The following URI1 variants were observed in gnomAD, a reference collection of about 807,000 sequenced individuals.
URI1 encodes URI1 prefoldin like chaperone.
A neutral mutation model predicts 60.2 loss-of-function variants in URI1; 39 were observed. That is an observed-to-expected ratio of 0.65 (90% CI 0.50 to 0.85). The LOEUF (loss-of-function observed/expected upper bound fraction) is 0.85. Among genes scored for constraint, URI1 ranks in the 40% least tolerant of loss-of-function variants. URI1 has a pLI of 0.00. For synonymous variants in URI1, 251 were observed against 236.8 expected (o/e 1.06, Z -0.55); for missense variants, 691 against 665.9 (o/e 1.04, Z -0.42).
chr19:30,006,832 A>T (rs772012104), intron 6 of URI1, among the ~76,000 whole-genome samples: 1 of 152,132 alleles, frequency 6.6e-6, no homozygotes. Flanking sequence ...AAAAGCAGAT[A>T]CCTCTGAGTT....
At chr19:29,954,210 G>A (rs2055214419) in intron 1 of URI1, among the ~76,000 whole-genome samples, 1 of 152,180 alleles carries the variant, frequency 6.6e-6, no homozygotes, top group Non-Finnish European at 1.5e-5. Flanking sequence ...CAAACCTGAA[G>A]TAAAGTTCAA....
Position 30,011,136 on chromosome 19 carries a change from G to T in URI1, c.1078G>T (p.Glu360Ter). The T allele has an allele frequency of 6.2e-7, 1 of 1,612,926 alleles. No homozygotes were observed. The highest frequency in any genetic ancestry group is 8.5e-7 in the Non-Finnish European group (1 of 1,179,622). The part of the protein sequence containing the change: ...TGKNTTLKFS[E>*]KKEEAKRKRK... ...AAAGAATACCACTTTAAAATTCAGT[G>T]AAAAGAAAGAAGAAGCCAAACGTAA... The change falls in exon 9 of 11, where the codon GAA (glutamate) becomes TAA (stop). Residue 360 changes from glutamate (E) to a stop codon, truncating the protein, a stop_gained. Coordinates refer to ENST00000392271, the MANE Select transcript of URI1 (RefSeq NM_003796.3). LOFTEE classifies it high-confidence loss of function.
chr19:29,972,653 A>G (rs990041712), intron 2 of URI1, among the ~76,000 whole-genome samples: 20 of 152,260 alleles, frequency 1.3e-4, no homozygotes, highest in African/African-American at 4.8e-4. Flanking sequence ...CACAGCCCCT[A>G]CTGCTATGTT....
chr19:29,957,020 C>A, intron 1 of URI1: 1 of 645,192 alleles, frequency 1.5e-6, no homozygotes, highest in Non-Finnish European at 2.7e-6. Context: ...AAAAAGTGGC[C>A]CAGAGTAGTC....
At chr19:30,005,271 T>C in intron 4 of URI1, 90 bp from the exon 5 acceptor site, 1 of 695,246 alleles carries the variant, frequency 1.4e-6, no homozygotes, top group South Asian at 2.2e-5. Context: ...TGTTAAATCA[T>C]ACTTGTAGTG....
At chr19:29,973,203 A>G (rs2055480199) in intron 2 of URI1, among the ~76,000 whole-genome samples, 1 of 152,136 alleles carries the variant, frequency 6.6e-6, no homozygotes, top group Admixed American at 6.5e-5. Context: ...AGTTTCTACC[A>G]TATGCCAGTA....
At chr19:29,933,826 A>T (rs1448059434) in intron 1 of URI1, among the ~76,000 whole-genome samples, 2 of 586 alleles carry the variant, frequency 3.4e-3, no homozygotes, top group African/African-American at 0.011. Flanking sequence ...GATCTCTTTA[A>T]AAAAAAAAAA....
intron 2 of URI1, among the ~76,000 whole-genome samples, chr19:29,983,518 C>T (rs1167062229): frequency 1.3e-5 from 2 of 152,104 alleles, no homozygotes; most frequent in African/African-American, 4.8e-5. Context: ...ACCTACATTG[C>T]AGTTTATCCT....
At chr19:29,988,522 T>C (rs984874669) in intron 4 of URI1, among the ~76,000 whole-genome samples, 4 of 152,230 alleles carry the variant, frequency 2.6e-5, no homozygotes, top group African/African-American at 7.2e-5. Flanking sequence ...TGCTGAAGGA[T>C]TGACGACTTC....
Position 30,015,413 on chromosome 19 carries a change from T to C in URI1, c.*344T>C. 6.9e-7 allele frequency: 1 copy of C among 1,452,724 alleles called. No individual in the cohort carries two copies. 90.0% of individuals were successfully genotyped at this position (1,452,724 alleles called of 1,614,324 possible). Reference sequence around the variant, plus strand: ...AATACAGGCAGTTTTGTGCCAGCTGTGATATTGTGCATACCATATGGACCA... The same window carrying C: ...AATACAGGCAGTTTTGTGCCAGCTGCGATATTGTGCATACCATATGGACCA... On this transcript the variant is annotated 3_prime_UTR_variant, in exon 11 of 11. Coordinates refer to ENST00000392271, the MANE Select transcript of URI1 (RefSeq NM_003796.3).
At position 29,942,566 on chromosome 19, in the gene URI1, G is replaced by C; in HGVS notation, c.19G>C (p.Glu7Gln). 7.0e-7 allele frequency: 1 copy of C among 1,423,270 alleles called. No individual in the cohort carries two copies. The highest frequency in any genetic ancestry group is 9.2e-7 in the Non-Finnish European group (1 of 1,089,522). 88.2% of individuals were successfully genotyped at this position (1,423,270 alleles called of 1,614,324 possible). Residue 7 changes from glutamate to glutamine, a missense_variant, in exon 1 of 11, where the codon GAG becomes CAG. Physicochemically the swap from Glu to Gln is conservative, Grantham distance 29 (BLOSUM62 2). Transcript: ENST00000392271. Reference protein sequence around the residue: MEAPTVETPPDPSPPSA... With the variant: MEAPTVQTPPDPSPPSA... ...GCCCGTCATGGAGGCGCCCACCGTG[G>C]AGACGCCCCCCGACCCCTCGCCCCC...
rs898075223 is a variant in URI1, at chr19:30,012,664, T to C, written c.1425+133T>C. On this transcript the variant is annotated intron_variant, in intron 10 of 10. Coordinates refer to ENST00000392271, the MANE Select transcript of URI1 (RefSeq NM_003796.3). ...TTCTTGGTACTAATTAATAAAAAAT[T>C]AATAGTCACAAACAGTACAAATATT... 7 of 1,123,016 alleles carry C rather than the reference T, an allele frequency of 6.2e-6. No homozygotes were observed. In the East Asian group the frequency reaches 1.1e-4, roughly 17 times the overall value. The allele number at this position is 1,123,016 out of a possible 1,614,324, so 69.6% of individuals were successfully genotyped here. A position where few individuals can be genotyped will look rare whatever the true frequency, so the allele number is the denominator to read the frequency against.
intron 6 of URI1, among the ~76,000 whole-genome samples, chr19:30,006,351 TAAAC>T (rs761295521): frequency 4.6e-5 from 7 of 152,148 alleles, no homozygotes; most frequent in South Asian, 2.1e-4. Context: ...TACAGTGTCT[TAAAC>T]AAATGTACTG....
At chr19:29,940,745 C>A (rs2145215488), upstream of URI1, among the ~76,000 whole-genome samples, 1 of 152,318 alleles carries the variant, frequency 6.6e-6, no homozygotes, top group East Asian at 1.9e-4. Context: ...CCCCCTTTGC[C>A]TGGAGCTAGG....
chr19:30,006,769 A>G lies in URI1; in HGVS notation c.518-701A>G, dbSNP rs191393591. 8.1e-4 allele frequency among the ~76,000 whole-genome samples: 123 copies of G among 152,276 alleles called. No homozygotes were observed. The Middle Eastern group carries it at 0.014, about 17-fold the overall frequency. On this transcript the variant is annotated intron_variant, in intron 6 of 10. Coordinates refer to ENST00000392271, the MANE Select transcript of URI1 (RefSeq NM_003796.3). ...CTTTCCCATTACTTTGCTTTAATAA[A>G]GCAAATAAAGCCTTAATTTGCTTTA...
rs34820413 is a variant in URI1 at position 29,935,700 on chromosome 19, C to CTTTTTTTTTTTTTTTTTT, written c.63+11960_63+11961insTTTTTTTTTTTTTTTTTT. Among the ~76,000 whole-genome samples, 27 of 131,846 alleles carry CTTTTTTTTTTTTTTTTTT rather than the reference C, an allele frequency of 2.0e-4. 1 individual carries two copies. Among genetic ancestry groups the CTTTTTTTTTTTTTTTTTT allele is most frequent in the African/African-American group, 7.3e-4 (25 of 34,380 alleles). The allele number at this position is 131,846 out of a possible 152,430, so 86.5% of individuals were successfully genotyped here. ...TGGTAGGAAATTCTTGGTTGACAGT[C>CTTTTTTTTTTTTTTTTTT]TTTTTTTTTTTTTTCCCCAGGACTT... On this transcript the variant is annotated intron_variant, in intron 1 of 10. Transcript: ENST00000360605.
At chr19:29,944,905 AT>A (rs1196460114) in intron 1 of URI1, among the ~76,000 whole-genome samples, 2 of 152,196 alleles carry the variant, frequency 1.3e-5, no homozygotes, top group East Asian at 3.8e-4. Context: ...GGCAGTGAAA[AT>A]TTTTTGTGAA....
chr19:29,951,470 T>G (rs1230256324), intron 1 of URI1, among the ~76,000 whole-genome samples: 6 of 152,158 alleles, frequency 3.9e-5, no homozygotes, highest in African/African-American at 1.4e-4. Flanking sequence ...GAGAGTGATG[T>G]GATTTCTTCA....
At position 29,972,315 on chromosome 19, in the gene URI1, T is replaced by C. The variant is rs1156484130; in HGVS notation, c.152+1088T>C. On this transcript the variant is annotated intron_variant, in intron 2 of 10. Transcript: ENST00000392271. ...TAGTTGCTTCCACTGGTGGTGTAAG[T>C]GTGTTAGCATTTCCATAATGGACCA... is the stretch of plus-strand genomic sequence containing the variant. 2.0e-5 allele frequency among the ~76,000 whole-genome samples: 3 copies of C among 152,108 alleles called. No individual in the cohort carries two copies. The East Asian group carries it at 5.8e-4, about 29-fold the overall frequency.
Sources: allele counts gnomAD v4.1 joint callset (sites outside exome capture counted in the v4.1 genomes callset), GRCh38; gene constraint gnomAD v4.1.1; transcripts MANE v1.5; gene names NCBI Gene and HGNC (gene_info 2026-07-23, HGNC 2026-07-21).